The following KMT2D variants were observed in gnomAD, a reference collection of about 807,000 sequenced individuals.
KMT2D encodes histone-lysine N-methyltransferase 2D.
A neutral mutation model predicts 512.7 loss-of-function variants in KMT2D; 55 were observed. That is an observed-to-expected ratio of 0.11 (90% confidence interval 0.09 to 0.13). The LOEUF (loss-of-function observed/expected upper bound fraction) is 0.13. KMT2D is among the 10% of genes least tolerant of loss of function. The pLI is 1.00. For synonymous variants in KMT2D, 2,995 were observed against 2,904.0 expected (o/e 1.03, Z -1.01); for missense variants, 6,061 against 7,127.9 (o/e 0.85, Z 5.39).
At position 49,033,811 on chromosome 12, in the gene KMT2D, G is replaced by A. The variant is rs1943076320; in HGVS notation, c.10894C>T (p.Pro3632Ser). Residue 3632 changes from proline (P) to serine (S), a missense_variant, in exon 40 of 55, where the codon CCT (proline) becomes TCT (serine). Coordinates refer to ENST00000301067, the MANE Select transcript of KMT2D (RefSeq NM_003482.4). ...CCATGGCCAGGGAGCAGCTGACCAG[G>A]GAGCTTGGTGAGCAGCCGGGGACTC... ...SQSPRLLTKLPGQLLPGHGLQ... is the reference protein window; with the variant it reads ...SQSPRLLTKLSGQLLPGHGLQ... 1 of 1,593,468 alleles carries A rather than the reference G, an allele frequency of 6.3e-7. No homozygotes were observed. The highest frequency in any genetic ancestry group is 8.5e-7 in the Non-Finnish European group (1 of 1,170,256).
Position 49,031,440 on chromosome 12 carries a change from T to C in KMT2D, c.13265A>G (p.Glu4422Gly). 6.2e-7 allele frequency: 1 copy of C among 1,613,748 alleles called. No homozygotes were observed. The highest frequency in any genetic ancestry group is 8.5e-7 in the Non-Finnish European group (1 of 1,179,862). ...QLSIKQEPREEPCALGAQSVK... is the reference protein window; with the variant it reads ...QLSIKQEPREGPCALGAQSVK... ...TGACTGGGCTCCCAGGGCACATGGC[T>C]CTTCCCGAGGTTCCTGCTTGATGCT... Residue 4422 changes from glutamate to glycine, a missense_variant, in exon 40 of 55, where the codon GAG becomes GGG. Glu to Gly is a moderately conservative substitution (Grantham distance 98). Around this residue, in one of 16 missense-constraint regions of KMT2D, gnomAD observed 1,600 missense variants for 1,754.9 expected, o/e 0.91. Transcript: ENST00000301067.
Position 49,033,084 on chromosome 12 carries a change from G to A in KMT2D, c.11621C>T (p.Ser3874Phe), listed in dbSNP as rs1207776225. ...TGACATCAGACTCTGCTGAAGATGGGACAGCCCTGCCATGGACCCTTGCTG... is the reference window on the plus strand; with the variant it reads ...TGACATCAGACTCTGCTGAAGATGGAACAGCCCTGCCATGGACCCTTGCTG... ...HQQQGSMAGL[S>F]HLQQSLMSHS... Residue 3874 changes from serine to phenylalanine, a missense_variant, in exon 40 of 55, where the codon TCC (serine) becomes TTC (phenylalanine). Ser to Phe is a radical substitution (Grantham distance 155, BLOSUM62 -2). This residue lies in a region of KMT2D where 1,600 missense variants were observed against 1,754.9 expected (regional missense o/e 0.91). Transcript: ENST00000301067. The A allele has an allele frequency of 1.3e-6, 2 of 1,551,326 alleles. No individual in the cohort carries two copies. Among genetic ancestry groups the A allele is most frequent in the Non-Finnish European group, 1.7e-6 (2 of 1,146,934 alleles).
chr12:49,032,657 A>C lies in KMT2D; in HGVS notation c.12048T>G (p.Gly4016=). The change falls in exon 40 of 55, where the codon GGT becomes GGG. Residue 4016 remains glycine, a synonymous_variant. Transcript: ENST00000301067. ...CCTTGCCCGTCAGGAGGAGGGTTGG[A>C]CCCAGGGCTCCAGGGCTAGAAAAGT... is the stretch of plus-strand genomic sequence containing the variant. The part of the protein sequence containing the change: ...LQHFSSPGAL[G]PTLLLTGKEQ... The C allele has an allele frequency of 6.2e-7, 1 of 1,613,704 alleles. No homozygotes were observed. The highest frequency in any genetic ancestry group is 1.3e-5 in the African/African-American group (1 of 74,914).
intron 47 of KMT2D, 37 bp downstream of exon 47, chr12:49,027,972 C>T (rs1446288128): frequency 2.5e-6 from 4 of 1,613,258 alleles, no homozygotes; most frequent in East Asian, 2.2e-5. Flanking sequence ...CAGAATCACT[C>T]CCCTCAAGTC....
At position 49,052,561 on chromosome 12, in the gene KMT2D, C is replaced by T. The variant is rs368687683; in HGVS notation, c.1258+3G>A. 192 of 1,612,830 alleles carry T rather than the reference C, an allele frequency of 1.2e-4. No homozygotes were observed. In the African/African-American group the frequency reaches 2.4e-3, roughly 20 times the overall value. ...ATTTCAGGGACCCTCAAACCCTACT[C>T]ACCTAGTGGTTTGGCTTCACATTGC... On this transcript the variant is annotated splice_donor_region_variant and intron_variant, in intron 10 of 54. Transcript: ENST00000301067.
chr12:49,032,476 G>A lies in KMT2D; in HGVS notation c.12229C>T (p.Leu4077Phe), dbSNP rs774148221. The change falls in exon 40 of 55, where the codon CTT (leucine) becomes TTT (phenylalanine). Residue 4077 changes from leucine to phenylalanine, a missense_variant. Transcript: ENST00000301067. ...TGAGGCTGGGGCTGGGGTTGGACAA[G>A]CAGGAGTTGTGAGTCCCCAGAGAGT... ...PSLSGDSQLL[L>F]VQPQPQPQPS... The A allele has an allele frequency of 3.5e-5, 55 of 1,567,400 alleles. No homozygotes were observed. The highest frequency in any genetic ancestry group is 1.7e-4 in the Middle Eastern group (1 of 6,024).
chr12:49,030,704 A>T lies in KMT2D; in HGVS notation c.13736T>A (p.Phe4579Tyr), dbSNP rs376335760. 6.2e-7 allele frequency: 1 copy of T among 1,613,646 alleles called. No individual in the cohort carries two copies. Among genetic ancestry groups the T allele is most frequent in the Non-Finnish European group, 8.5e-7 (1 of 1,179,854 alleles). The change falls in exon 42 of 55, where the codon TTT (phenylalanine) becomes TAT (tyrosine). Residue 4579 changes from phenylalanine (F) to tyrosine (Y), a missense_variant. Physicochemically the swap from Phe to Tyr is conservative, Grantham distance 22. Coordinates refer to ENST00000301067, the MANE Select transcript of KMT2D (RefSeq NM_003482.4). ...CCCATTGACTGGGCAGCCACTGCCA[A>T]AGGGGGCAAAGAGGCTAAAATTGGC... The part of the protein sequence containing the change: ...ITANFSLFAP[F>Y]GSGCPVNGQS...
In KMT2D at chr12:49,049,846, C is replaced by T. The variant is rs1937823699; in HGVS notation, c.3742G>A (p.Val1248Ile). 4 of 1,613,994 alleles carry T rather than the reference C, an allele frequency of 2.5e-6. No individual in the cohort carries two copies. Among genetic ancestry groups the T allele is most frequent in the Non-Finnish European group, 3.4e-6 (4 of 1,179,894 alleles). ...LSMELGVSTDVSPARDEGSLR... is the reference protein window; with the variant it reads ...LSMELGVSTDISPARDEGSLR... ...GAGCCCTCATCTCGGGCTGGACTAA[C>T]ATCCGTAGAGACCCCCAACTCCATG... is the stretch of plus-strand genomic sequence containing the variant. The change falls in exon 12 of 55, where the codon GTT becomes ATT. Residue 1248 changes from valine to isoleucine, a missense_variant. Physicochemically the swap from Val to Ile is conservative, Grantham distance 29. Around this residue, in one of 16 missense-constraint regions of KMT2D, gnomAD observed 447 missense variants for 500.1 expected, o/e 0.89. Coordinates refer to ENST00000301067, the MANE Select transcript of KMT2D (RefSeq NM_003482.4).
At position 49,060,317 on chromosome 12, in the gene KMT2D, G is replaced by A. The variant is rs1178362164; in HGVS notation, c.-742C>T. The stretch of plus-strand genomic sequence containing the variant: ...AGGCGAGGAAAAGGAAGGGGCGGGC[G>A]GTGCGAGCCCTCTGCCCGCTCCCCT... On this transcript the variant is annotated 5_prime_UTR_variant, in exon 1 of 55. Transcript: ENST00000301067. 6.6e-6 allele frequency among the ~76,000 whole-genome samples: 1 copy of A among 152,002 alleles called. No homozygotes were observed. The highest frequency in any genetic ancestry group is 1.5e-5 in the Non-Finnish European group (1 of 67,954).
rs752346893 is a variant in KMT2D at position 49,040,841 on chromosome 12, G to C, written c.6929C>G (p.Pro2310Arg). 1 of 1,613,766 alleles carries C rather than the reference G, an allele frequency of 6.2e-7. No individual in the cohort carries two copies. The highest frequency in any genetic ancestry group is 8.5e-7 in the Non-Finnish European group (1 of 1,179,766). Residue 2310 changes from proline (P) to arginine (R), a missense_variant, in exon 32 of 55, where the codon CCC becomes CGC. Around this residue, in one of 16 missense-constraint regions of KMT2D, gnomAD observed 710 missense variants for 647.3 expected, o/e 1.10. Coordinates refer to ENST00000301067, the MANE Select transcript of KMT2D (RefSeq NM_003482.4). ...GPPNLGFVDS[P>R]SSGTHLGGLE... ...GCCACCCAGGTGGGTGCCTGAGGAG[G>C]GTGAGTCAACAAAGCCCAGGTTTGG...
chr12:49,028,150 G>A lies in KMT2D; in HGVS notation c.14383-9C>T, dbSNP rs1380322069. On this transcript the variant is annotated splice_polypyrimidine_tract_variant and intron_variant, in intron 46 of 54. Coordinates refer to ENST00000301067, the MANE Select transcript of KMT2D (RefSeq NM_003482.4). ...ATCACGCCATTCAGGTTCTGCCAGG[G>A]CCAGGGAAGGGATGGAAGAAACATA... 2.5e-6 allele frequency: 4 copies of A among 1,613,748 alleles called. No homozygotes were observed. Among genetic ancestry groups the A allele is most frequent in the African/African-American group, 2.7e-5 (2 of 74,928 alleles).
chr12:49,033,583 T>C lies in KMT2D; in HGVS notation c.11122A>G (p.Ser3708Gly), dbSNP rs1484609883. Residue 3708 changes from serine (S) to glycine (G), a missense_variant, in exon 40 of 55, where the codon AGC (serine) becomes GGC (glycine). Physicochemically the swap from Ser to Gly is moderately conservative, Grantham distance 56. Around this residue, in one of 16 missense-constraint regions of KMT2D, gnomAD observed 1,600 missense variants for 1,754.9 expected, o/e 0.91. Coordinates refer to ENST00000301067, the MANE Select transcript of KMT2D (RefSeq NM_003482.4). ...AAAAGCCTTGAATCAGGTCCGAGGC[T>C]TCGAAGAGCAAGGTTGCCAGGGAAG... Reference protein sequence around the residue: ...GFFPGNLALRSLGPDSRLLQE... With the variant: ...GFFPGNLALRGLGPDSRLLQE... 2.1e-5 allele frequency: 34 copies of C among 1,613,362 alleles called. No individual in the cohort carries two copies. The highest frequency in any genetic ancestry group is 2.8e-5 in the Non-Finnish European group (33 of 1,179,814).
At position 49,051,625 on chromosome 12, in the gene KMT2D, A is replaced by G. The variant is rs1305332219; in HGVS notation, c.2058T>C (p.Ala686=). The G allele has an allele frequency of 6.8e-7, 1 of 1,474,776 alleles. No individual in the cohort carries two copies. Among genetic ancestry groups the G allele is most frequent in the Non-Finnish European group, 9.0e-7 (1 of 1,106,542 alleles). 91.4% of individuals were successfully genotyped at this position (1,474,776 alleles called of 1,614,324 possible). Residue 686 remains alanine (A), a synonymous_variant, in exon 11 of 55, where the codon GCT becomes GCC. Coordinates refer to ENST00000301067, the MANE Select transcript of KMT2D (RefSeq NM_003482.4). ...EESPTSPPPE[A]SRLSPPPEDS... is the part of the protein sequence containing the mutation. ...CCTCAGGTGGTGGGGAGAGGCGTGA[A>G]GCCTCAGGTGGAGGGGACGTGGGAG...
intron 10 of KMT2D, 27 bp from the exon 11 acceptor site, chr12:49,052,451 T>C (rs1210618978): frequency 9.1e-6 from 14 of 1,541,246 alleles, no homozygotes; most frequent in Non-Finnish European, 1.2e-5. Context: ...ACGATGCTCC[T>C]ATCTAGCTCA....
In KMT2D at chr12:49,032,810, C is replaced by T; in HGVS notation, c.11895G>A (p.Gln3965=). 6.4e-7 allele frequency: 1 copy of T among 1,551,644 alleles called. No homozygotes were observed. The highest frequency in any genetic ancestry group is 8.7e-7 in the Non-Finnish European group (1 of 1,147,238). The change falls in exon 40 of 55, where the codon CAG becomes CAA. Residue 3965 remains glutamine, a synonymous_variant. Coordinates refer to ENST00000301067, the MANE Select transcript of KMT2D (RefSeq NM_003482.4). The part of the protein sequence containing the change: ...LQQQQQQQQQ[Q]FQQQQQQQQM... ...GCTGCTGTTGCTGCTGCTGTTGAAA[C>T]TGCTGCTGTTGTTGTTGCTGTTGCT...
rs1170892210 is a variant in KMT2D at position 49,031,271 on chromosome 12, C to T, written c.13434G>A (p.Arg4478=). ...RAKNVQLSTG[R]GSEGLRAEIN... is the part of the protein sequence containing the mutation. Reference sequence around the variant, plus strand: ...TCTCAGCTCGCAGCCCCTCGGACCCCCGCCCAGTGCTGAGTTGCACATTCT... The same window carrying T: ...TCTCAGCTCGCAGCCCCTCGGACCCTCGCCCAGTGCTGAGTTGCACATTCT... The change falls in exon 40 of 55, where the codon CGG becomes CGA. Residue 4478 remains arginine, a synonymous_variant. Coordinates refer to ENST00000301067, the MANE Select transcript of KMT2D (RefSeq NM_003482.4). 8 of 1,613,456 alleles carry T rather than the reference C, an allele frequency of 5.0e-6. No homozygotes were observed. The South Asian group carries it at 7.7e-5, about 15-fold the overall frequency.
At position 49,060,311 on chromosome 12, in the gene KMT2D, G is replaced by A. The variant is rs1938673236; in HGVS notation, c.-736C>T. 2.0e-5 allele frequency among the ~76,000 whole-genome samples: 3 copies of A among 152,188 alleles called. No individual in the cohort carries two copies. The highest frequency in any genetic ancestry group is 1.3e-4 in the Admixed American group (2 of 15,304). On this transcript the variant is annotated 5_prime_UTR_variant, in exon 1 of 55. Coordinates refer to ENST00000301067, the MANE Select transcript of KMT2D (RefSeq NM_003482.4). ...CTAGGTAGGCGAGGAAAAGGAAGGG[G>A]CGGGCGGTGCGAGCCCTCTGCCCGC...
chr12:49,026,382 T>C lies in KMT2D; in HGVS notation c.15584A>G (p.Gln5195Arg). 1 of 1,612,800 alleles carries C rather than the reference T, an allele frequency of 6.2e-7. No individual in the cohort carries two copies. The highest frequency in any genetic ancestry group is 8.5e-7 in the Non-Finnish European group (1 of 1,178,816). Reference sequence around the variant, plus strand: ...AGTGGCACTATGAAAGTCAGCCATCTGGTGAGGCAGCAGCTGTCCGATGGC... The same window carrying C: ...AGTGGCACTATGAAAGTCAGCCATCCGGTGAGGCAGCAGCTGTCCGATGGC... ...FHAIGQLLPH[Q>R]MADFHSATAL... Residue 5195 changes from glutamine to arginine, a missense_variant, in exon 49 of 55, where the codon CAG (glutamine) becomes CGG (arginine). Gln to Arg is a conservative substitution (Grantham distance 43). Coordinates refer to ENST00000301067, the MANE Select transcript of KMT2D (RefSeq NM_003482.4). The surrounding 1 kb of genome is among the most constrained non-coding windows in gnomAD (Gnocchi z 9.6).
chr12:49,036,238 C>G (rs1943208328), intron 35 of KMT2D, among the ~76,000 whole-genome samples: 1 of 152,102 alleles, frequency 6.6e-6, no homozygotes. Flanking sequence ...AACCAATTCA[C>G]TCACTGTTCT....
Sources: allele counts gnomAD v4.1 joint callset (sites outside exome capture counted in the v4.1 genomes callset), GRCh38; gene constraint gnomAD v4.1.1; regional missense constraint gnomAD v4.1.1; non-coding constraint Gnocchi (gnomAD v3.1); transcripts MANE v1.5; gene names NCBI Gene and HGNC (gene_info 2026-07-23, HGNC 2026-07-21).